Variants in STARD8 observed in about 807,000 individuals in gnomAD.
STARD8 encodes the protein StAR related lipid transfer domain containing 8, also known as stAR-related lipid transfer protein 8.
Under a neutral mutation model 69.4 loss-of-function variants are expected in STARD8, and 25 were observed. The observed-to-expected ratio is 0.36, with a 90% CI of 0.26 to 0.50. The LOEUF is 0.50. Ranked by LOEUF, STARD8 falls within the 20% of genes least tolerant of loss-of-function variation. The pLI, the probability that STARD8 is intolerant of heterozygous loss-of-function variation, is 0.96. For missense variants in STARD8, 921 were observed against 932.5 expected (o/e 0.99, Z 0.16); for synonymous variants, 389 against 374.6 (o/e 1.04, Z -0.45).
Position 68,725,555 on chromosome X carries a change from A to AATATATATATATATAT in STARD8, c.*1142_*1157dup, listed in dbSNP as rs771897636. ...TTGTACCTGTAAATACTGTACAGCT[A>AATATATATATATATAT]ATATATATATATATATATATATATG... On this transcript the variant is annotated 3_prime_UTR_variant, in exon 15 of 15. Coordinates refer to ENST00000374599, the MANE Select transcript of STARD8 (RefSeq NM_001142503.3). 1.2e-4 allele frequency: 11 copies of AATATATATATATATAT among 93,465 alleles called. No homozygotes were observed. The highest frequency in any genetic ancestry group is 4.2e-4 in the African/African-American group (10 of 23,935). 7.7% of individuals were successfully genotyped at this position (93,465 alleles called of 1,213,427 possible).
intron 1 of STARD8, among the ~76,000 whole-genome samples, chrX:68,655,942 G>A (rs1225659618): frequency 8.9e-6 from 1 of 112,009 alleles, no homozygotes; most frequent in Non-Finnish European, 1.9e-5. Flanking sequence ...TGGAAGAAAA[G>A]GGCAAGGAGT....
chrX:68,652,962 A>C (rs1602534270), intron 1 of STARD8, among the ~76,000 whole-genome samples: 1 of 49,129 alleles, frequency 2.0e-5, no homozygotes, highest in Non-Finnish European at 3.7e-5. Flanking sequence ...CCACACACAC[A>C]CACCACACAC....
Position 68,718,227 on chromosome X carries a change from C to T in STARD8, c.1313C>T (p.Ala438Val). Reference protein sequence around the residue: ...EIATVEVKCQAEALSQMEVPA... With the variant: ...EIATVEVKCQVEALSQMEVPA... ...GCCACAGTTGAGGTCAAATGCCAAG[C>T]TGAGGCTCTCAGCCAGATGGAGGTT... Residue 438 changes from alanine to valine, a missense_variant, in exon 6 of 15, where the codon GCT (alanine) becomes GTT (valine). Coordinates refer to ENST00000374599, the MANE Select transcript of STARD8 (RefSeq NM_001142503.3). 8.3e-7 allele frequency: 1 copy of T among 1,211,612 alleles called. No homozygotes were observed. The highest frequency in any genetic ancestry group is 1.1e-6 in the Non-Finnish European group (1 of 895,426).
chrX:68,660,705 A>G (rs1406456673), intron 1 of STARD8, among the ~76,000 whole-genome samples: 1 of 112,503 alleles, frequency 8.9e-6, no homozygotes, highest in Non-Finnish European at 1.9e-5. Flanking sequence ...CCTAGCCTAG[A>G]GAAAGTTTGC....
chrX:68,716,670 G>A (rs1050627534), intron 5 of STARD8, among the ~76,000 whole-genome samples: 2 of 110,841 alleles, frequency 1.8e-5, no homozygotes, highest in Non-Finnish European at 3.8e-5. Context: ...GTAGTCAGGT[G>A]GGGCAGCCAA....
intron 2 of STARD8, among the ~76,000 whole-genome samples, chrX:68,692,532 C>T (rs1328456407): frequency 8.9e-6 from 1 of 112,104 alleles, no homozygotes; most frequent in Non-Finnish European, 1.9e-5. Flanking sequence ...GTATCAGATA[C>T]TCTAACAAGC....
chrX:68,677,403 G>T (rs2079772247), intron 2 of STARD8, among the ~76,000 whole-genome samples: 1 of 111,779 alleles, frequency 8.9e-6, no homozygotes, highest in African/African-American at 3.3e-5. Flanking sequence ...TTATCTCCAT[G>T]CTTGTCACTG....
At chrX:68,661,896 T>TCCTTCCTTCCTC (rs2079647269) in intron 1 of STARD8, among the ~76,000 whole-genome samples, 1 of 94,912 alleles carries the variant, frequency 1.1e-5, no homozygotes, top group Non-Finnish European at 2.1e-5. Context: ...CTTCCTTCCT[T>TCCTTCCTTCCTC]CCTTCCTTCC....
At chrX:68,653,463 A>T in intron 1 of STARD8, among the ~76,000 whole-genome samples, 1 of 22,734 alleles carries the variant, frequency 4.4e-5, no homozygotes. Flanking sequence ...ACACACACAC[A>T]CCCCACACCC....
chrX:68,671,773 C>T (rs1044947232), intron 2 of STARD8, among the ~76,000 whole-genome samples: 2 of 112,002 alleles, frequency 1.8e-5, no homozygotes, highest in African/African-American at 6.5e-5. Flanking sequence ...GCCCACATCT[C>T]AAGGCAGGAA....
intron 1 of STARD8, among the ~76,000 whole-genome samples, chrX:68,650,467 GGGAGGAGGAGGAGGGGAGGAGGAGGAGGA>G (rs2079540381): frequency 1.3e-5 from 1 of 76,531 alleles, no homozygotes; most frequent in Non-Finnish European, 2.4e-5. Context: ...AGAGGAGGAG[GGGAGGAGGAGGAGGGGAGGAGGAGGAGGA>G]GGAGGAGGAG....
chrX:68,713,723 C>A (rs2080070226), intron 3 of STARD8, among the ~76,000 whole-genome samples: 1 of 111,783 alleles, frequency 8.9e-6, no homozygotes, highest in Non-Finnish European at 1.9e-5. Flanking sequence ...GTCCGGGGCC[C>A]TCTTCTCTCT....
At chrX:68,657,823 C>A (rs1355928373) in intron 1 of STARD8, among the ~76,000 whole-genome samples, 2 of 110,211 alleles carry the variant, frequency 1.8e-5, no homozygotes, top group Non-Finnish European at 3.8e-5. Context: ...TATTTGTTCT[C>A]GGGGGTGGAA....
At chrX:68,661,801 C>T (rs1350543852) in intron 1 of STARD8, among the ~76,000 whole-genome samples, 4 of 110,443 alleles carry the variant, frequency 3.6e-5, no homozygotes, top group Non-Finnish European at 5.7e-5. Context: ...CCCCTTCTTC[C>T]TACCCTAAGG....
intron 1 of STARD8, among the ~76,000 whole-genome samples, chrX:68,652,681 CAT>C (rs1391906612): frequency 5.7e-5 from 6 of 105,214 alleles, no homozygotes; most frequent in African/African-American, 2.1e-4. Context: ...ACTCCACACA[CAT>C]GAAACACACA....
chrX:68,655,239 T>C (rs1369979594), intron 1 of STARD8, among the ~76,000 whole-genome samples: 1 of 112,231 alleles, frequency 8.9e-6, no homozygotes, highest in East Asian at 2.8e-4. Flanking sequence ...TGTGTGTGTC[T>C]GTCTGTCTGT....
At chrX:68,659,274 G>C (rs1027438119) in intron 1 of STARD8, among the ~76,000 whole-genome samples, 1 of 111,800 alleles carries the variant, frequency 8.9e-6, no homozygotes, top group Non-Finnish European at 1.9e-5. Flanking sequence ...CCATAGCTTG[G>C]ACTCTGTTTT....
rs918161956 is a variant in STARD8, at chrX:68,724,050, A to G, written c.3123A>G (p.Thr1041=). 3 of 1,210,420 alleles carry G rather than the reference A, an allele frequency of 2.5e-6. No homozygotes were observed. The highest frequency in any genetic ancestry group is 1.7e-5 in the African/African-American group (1 of 57,307). Residue 1041 remains threonine (T), a synonymous_variant, in exon 14 of 15, where the codon ACA becomes ACG. Transcript: ENST00000374599. ...CGGGTGTGCGAGCCCTCATGCTCACATCCCAGTACCTCATGGAGCCTTGCG... is the reference window on the plus strand; with the variant it reads ...CGGGTGTGCGAGCCCTCATGCTCACGTCCCAGTACCTCATGGAGCCTTGCG... ...PESGVRALML[T]SQYLMEPCGL...
chrX:68,668,069 C>A (rs183332024), intron 2 of STARD8, among the ~76,000 whole-genome samples: 56 of 83,400 alleles, frequency 6.7e-4, no homozygotes, highest in Middle Eastern at 6.4e-3. Flanking sequence ...TTCTTTCTTT[C>A]TTTCTTTCTT....
Sources: allele counts gnomAD v4.1 joint callset (sites outside exome capture counted in the v4.1 genomes callset), GRCh38; gene constraint gnomAD v4.1.1; transcripts MANE v1.5; gene names NCBI Gene and HGNC (gene_info 2026-07-23, HGNC 2026-07-21).